Variants in OR2L13 observed in about 807,000 individuals in gnomAD.
The protein encoded by OR2L13 is olfactory receptor 2L13.
Under a neutral mutation model 15.3 loss-of-function variants are expected in OR2L13, and 14 were observed. That is an observed-to-expected ratio of 0.91 (90% CI 0.60 to 1.43). The LOEUF (loss-of-function observed/expected upper bound fraction) is 1.43, where lower values mean the gene tolerates loss of function less well. Among genes scored for constraint, OR2L13 ranks in the 40% most tolerant of loss-of-function variants. The pLI is 0.00. For synonymous variants in OR2L13, 152 were observed against 142.9 expected (o/e 1.06, Z -0.45); for missense variants, 367 against 387.9 (o/e 0.95, Z 0.45).
chr1:248,010,715 A>G, the OR2L13 span, among the ~76,000 whole-genome samples: 1 of 149,088 alleles, frequency 6.7e-6, no homozygotes, highest in Non-Finnish European at 1.5e-5. Flanking sequence ...TTGTTGGTTT[A>G]AAGTCTGTTT....
At chr1:248,096,074 C>T (rs962800911), upstream of OR2L13, among the ~76,000 whole-genome samples, 1 of 151,672 alleles carries the variant, frequency 6.6e-6, no homozygotes, top group African/African-American at 2.4e-5. Context: ...TAGACAGTTC[C>T]ATAACAAATT....
chr1:248,037,571 G>T, the OR2L13 span, among the ~76,000 whole-genome samples: 1 of 152,112 alleles, frequency 6.6e-6, no homozygotes, highest in East Asian at 1.9e-4. Context: ...ATAAATATTT[G>T]TCTCATCAAA....
At chr1:248,071,134 A>G in the OR2L13 span, among the ~76,000 whole-genome samples, 11 of 152,232 alleles carry the variant, frequency 7.2e-5, no homozygotes, top group South Asian at 8.3e-4. Flanking sequence ...TATGAGGCCA[A>G]CATCATCCTG....
At chr1:247,941,507 A>T in the OR2L13 span, among the ~76,000 whole-genome samples, 1 of 152,204 alleles carries the variant, frequency 6.6e-6, no homozygotes, top group East Asian at 1.9e-4. Context: ...GAAGTTTGTT[A>T]TATGCATGAT....
the OR2L13 span, among the ~76,000 whole-genome samples, chr1:248,085,572 A>T: frequency 6.6e-6 from 1 of 151,348 alleles, no homozygotes; most frequent in Non-Finnish European, 1.5e-5. Flanking sequence ...ATGTGAAATA[A>T]CATATTCTAC....
the OR2L13 span, chr1:248,061,391 A>T: frequency 5.0e-6 from 8 of 1,614,032 alleles, no homozygotes; most frequent in Non-Finnish European, 6.8e-6. Context: ...AAGAAAGCCT[A>T]CCTGACCTGC....
At chr1:248,096,060 G>C (rs1664731734), upstream of OR2L13, among the ~76,000 whole-genome samples, 1 of 151,930 alleles carries the variant, frequency 6.6e-6, no homozygotes, top group South Asian at 2.1e-4. Context: ...TGCTGCACAG[G>C]GAATAGACAG....
At chr1:248,001,590 GTAAA>G in the OR2L13 span, among the ~76,000 whole-genome samples, 1 of 151,716 alleles carries the variant, frequency 6.6e-6, no homozygotes, top group Non-Finnish European at 1.5e-5. Context: ...GACTATTTCT[GTAAA>G]TAAAAGAATA....
At chr1:247,962,680 T>G in the OR2L13 span, among the ~76,000 whole-genome samples, 1 of 152,200 alleles carries the variant, frequency 6.6e-6, no homozygotes, top group Non-Finnish European at 1.5e-5. Context: ...GGCCTCCTAA[T>G]AAACTGCTTT....
the OR2L13 span, among the ~76,000 whole-genome samples, chr1:248,071,094 GA>G: frequency 6.6e-6 from 1 of 151,388 alleles, no homozygotes; most frequent in Non-Finnish European, 1.5e-5. Context: ...CCAATCAATA[GA>G]AAAAGAGGGA....
chr1:247,954,355 A>C, the OR2L13 span, among the ~76,000 whole-genome samples: 1 of 152,214 alleles, frequency 6.6e-6, no homozygotes, highest in Non-Finnish European at 1.5e-5. Flanking sequence ...ATGCAAAGAT[A>C]TATACATGGA....
At chr1:247,992,140 AC>A in the OR2L13 span, among the ~76,000 whole-genome samples, 1 of 149,382 alleles carries the variant, frequency 6.7e-6, no homozygotes, top group East Asian at 2.1e-4. Context: ...TGTAAAGGCA[AC>A]ATAGATGAAG....
chr1:248,070,987 G>C, the OR2L13 span, among the ~76,000 whole-genome samples: 1 of 152,100 alleles, frequency 6.6e-6, no homozygotes, highest in African/African-American at 2.4e-5. Context: ...ATAATCAATA[G>C]CTTACCAACC....
the OR2L13 span, chr1:247,965,192 T>C: frequency 1.6e-6 from 1 of 630,736 alleles, no homozygotes. Flanking sequence ...AGTAACAGTA[T>C]GCGAGAATGT....
chr1:248,023,553 G>A, the OR2L13 span: 2 of 152,154 alleles, frequency 1.3e-5, no homozygotes, highest in East Asian at 1.9e-4. Context: ...TGTCTCCTGA[G>A]TAGCCACGGG....
At chr1:248,003,617 C>T in the OR2L13 span, 2 of 1,611,220 alleles carry the variant, frequency 1.2e-6, no homozygotes, top group Non-Finnish European at 1.7e-6. Context: ...TGTATATATA[C>T]TCCATATTCC....
the OR2L13 span, among the ~76,000 whole-genome samples, chr1:248,028,937 C>T: frequency 4.6e-5 from 7 of 152,128 alleles, no homozygotes; most frequent in South Asian, 2.1e-4. Flanking sequence ...CTAGACATGG[C>T]GCATACTATT....
At chr1:248,010,670 C>A in the OR2L13 span, among the ~76,000 whole-genome samples, 1 of 151,492 alleles carries the variant, frequency 6.6e-6, no homozygotes, top group African/African-American at 2.4e-5. Context: ...ATCCCTTTAC[C>A]ACTATGTAAT....
the OR2L13 span, among the ~76,000 whole-genome samples, chr1:248,073,893 G>A: frequency 6.6e-6 from 1 of 151,832 alleles, no homozygotes; most frequent in Non-Finnish European, 1.5e-5. Context: ...CTCTAAAAAA[G>A]TAAGATGGCA....
Sources: allele counts gnomAD v4.1 joint callset (sites outside exome capture counted in the v4.1 genomes callset), GRCh38; gene constraint gnomAD v4.1.1; transcripts MANE v1.5; gene names NCBI Gene and HGNC (gene_info 2026-07-23, HGNC 2026-07-21).